SPOCK3: variants seen among roughly 807,000 people sequenced by gnomAD.
The protein encoded by SPOCK3 is testican-3.
A neutral mutation model predicts 56.6 loss-of-function variants in SPOCK3; 30 were observed. That is an observed-to-expected ratio of 0.53 (90% CI 0.40 to 0.72). The LOEUF is 0.72. Among genes scored for constraint, SPOCK3 ranks in the 30% least tolerant of loss-of-function variants. SPOCK3 has a pLI of 0.00. For synonymous variants in SPOCK3, 196 were observed against 183.3 expected, an observed-to-expected ratio of 1.07 and a Z score of -0.56; for missense variants, 527 against 530.0, an observed-to-expected ratio of 0.99 and a Z score of 0.06.
chr4:166,799,063 G>A (rs1742272682), intron 6 of SPOCK3, among the ~76,000 whole-genome samples: 1 of 152,102 alleles, frequency 6.6e-6, no homozygotes, highest in South Asian at 2.1e-4. Flanking sequence ...GGGCAATGTT[G>A]CAGGCTACAA....
chr4:167,015,681 G>A (rs991082450), intron 3 of SPOCK3, among the ~76,000 whole-genome samples: 1 of 152,100 alleles, frequency 6.6e-6, no homozygotes, highest in South Asian at 2.1e-4. Flanking sequence ...TGATCTGACT[G>A]TTGTTAAACG....
At chr4:167,212,722 C>T (rs539721207) in intron 2 of SPOCK3, among the ~76,000 whole-genome samples, 1 of 152,050 alleles carries the variant, frequency 6.6e-6, no homozygotes, top group East Asian at 1.9e-4. Context: ...ATTTCTCCAC[C>T]CACTACATCA....
At chr4:167,222,521 A>G (rs2111110775) in intron 2 of SPOCK3, among the ~76,000 whole-genome samples, 1 of 145,580 alleles carries the variant, frequency 6.9e-6, no homozygotes, top group South Asian at 2.1e-4. Context: ...ATAATATATA[A>G]CATGTATGTT....
At chr4:166,990,414 T>C (rs1307981174) in intron 4 of SPOCK3, among the ~76,000 whole-genome samples, 1 of 151,848 alleles carries the variant, frequency 6.6e-6, no homozygotes, top group Non-Finnish European at 1.5e-5. Flanking sequence ...AAAAATGTTC[T>C]TACAAATATT....
chr4:166,865,355 C>A (rs1293482936), intron 6 of SPOCK3, among the ~76,000 whole-genome samples: 2 of 152,154 alleles, frequency 1.3e-5, no homozygotes, highest in Non-Finnish European at 2.9e-5. Context: ...GGAAGAATTC[C>A]CTTTGAAACC....
At chr4:167,172,777 T>C (rs576693188) in intron 2 of SPOCK3, among the ~76,000 whole-genome samples, 12 of 152,170 alleles carry the variant, frequency 7.9e-5, no homozygotes, top group Non-Finnish European at 1.6e-4. Flanking sequence ...TGTATATGTG[T>C]TTATGTATAT....
chr4:166,779,578 GA>G (rs957009971), intron 7 of SPOCK3, among the ~76,000 whole-genome samples: 9 of 151,232 alleles, frequency 6.0e-5, no homozygotes, highest in East Asian at 1.9e-4. Flanking sequence ...TATCTAATTT[GA>G]AAAAAAAGAA....
intron 5 of SPOCK3, among the ~76,000 whole-genome samples, chr4:166,909,547 G>T: frequency 6.6e-6 from 1 of 152,178 alleles, no homozygotes; most frequent in East Asian, 1.9e-4. Context: ...TTGTATCAAT[G>T]CATGGGTCAA....
intron 8 of SPOCK3, among the ~76,000 whole-genome samples, chr4:166,753,407 G>A (rs911627438): frequency 5.1e-4 from 78 of 151,928 alleles, no homozygotes; most frequent in African/African-American, 1.9e-3. Context: ...GTTTGTGTGT[G>A]TAATAAATAT....
intron 5 of SPOCK3, among the ~76,000 whole-genome samples, chr4:166,899,797 G>A (rs527852459): frequency 1.8e-4 from 27 of 152,264 alleles, no homozygotes; most frequent in African/African-American, 6.3e-4. Context: ...TTACAGGCAT[G>A]AGCCACTGTG....
intron 4 of SPOCK3, among the ~76,000 whole-genome samples, chr4:166,953,653 C>T (rs1441805384): frequency 1.3e-5 from 2 of 152,150 alleles, no homozygotes; most frequent in Non-Finnish European, 2.9e-5. Flanking sequence ...TATTGTGGCA[C>T]TATTCACAAT....
At chr4:166,946,867 A>G (rs1378366859) in intron 4 of SPOCK3, among the ~76,000 whole-genome samples, 2 of 152,210 alleles carry the variant, frequency 1.3e-5, no homozygotes, top group Non-Finnish European at 2.9e-5. Context: ...GAACAATACC[A>G]TAATTGTCGA....
intron 2 of SPOCK3, among the ~76,000 whole-genome samples, chr4:167,104,977 A>G (rs1398867339): frequency 6.6e-6 from 1 of 152,080 alleles, no homozygotes. Flanking sequence ...AACAACATCA[A>G]CAAACTTTTA....
intron 6 of SPOCK3, among the ~76,000 whole-genome samples, chr4:166,805,561 C>A (rs1743074238): frequency 6.6e-6 from 1 of 152,018 alleles, no homozygotes; most frequent in African/African-American, 2.4e-5. Context: ...GTAGAGGTTG[C>A]AGAAGGTTAG....
At chr4:167,197,731 GATGTT>G (rs1382780801) in intron 2 of SPOCK3, among the ~76,000 whole-genome samples, 3 of 152,122 alleles carry the variant, frequency 2.0e-5, no homozygotes, top group Non-Finnish European at 4.4e-5. Context: ...ACGCTCATCT[GATGTT>G]ATGTTTTAAG....
At chr4:167,211,966 C>T (rs1734918768) in intron 2 of SPOCK3, among the ~76,000 whole-genome samples, 1 of 152,160 alleles carries the variant, frequency 6.6e-6, no homozygotes, top group Non-Finnish European at 1.5e-5. Flanking sequence ...GTTCAAATTG[C>T]TATACAATGG....
At position 166,995,532 on chromosome 4, in the gene SPOCK3, G is replaced by T. The variant is rs537279161; in HGVS notation, c.350+4817C>A. 1.7e-3 allele frequency among the ~76,000 whole-genome samples: 251 copies of T among 150,696 alleles called. 5 individuals carry two copies. The highest frequency in any genetic ancestry group is 0.012 in the South Asian group (58 of 4,730). ...ATGTATATATAAACAAGATAGGCAT[G>T]ATTTCAAATCTGAAATCTACACTTT... On this transcript the variant is annotated intron_variant, in intron 4 of 10. Coordinates refer to ENST00000357545, the MANE Select transcript of SPOCK3 (RefSeq NM_001040159.2).
At chr4:167,030,443 G>A (rs1173328807) in intron 3 of SPOCK3, among the ~76,000 whole-genome samples, 1 of 151,986 alleles carries the variant, frequency 6.6e-6, no homozygotes, top group Non-Finnish European at 1.5e-5. Context: ...GTTAATTTTA[G>A]CTAGTCTGGA....
At chr4:166,847,908 A>C (rs1334727214) in intron 6 of SPOCK3, among the ~76,000 whole-genome samples, 1 of 151,980 alleles carries the variant, frequency 6.6e-6, no homozygotes, top group Non-Finnish European at 1.5e-5. Flanking sequence ...TTATGCAGCC[A>C]AACTGGCAGA....
Sources: gnomAD v4.1 joint callset for allele counts (sites outside exome capture counted in the v4.1 genomes callset) on GRCh38, gnomAD v4.1.1 for gene constraint, MANE v1.5 for transcripts, NCBI Gene and HGNC (gene_info 2026-07-23, HGNC 2026-07-21) for gene names.